CD46: variants seen among roughly 807,000 people sequenced by gnomAD.
CD46 encodes the protein membrane cofactor protein.
A neutral mutation model predicts 53.3 loss-of-function variants in CD46; 30 were observed. The observed-to-expected ratio is 0.56, with a 90% CI of 0.42 to 0.76. The LOEUF (loss-of-function observed/expected upper bound fraction) is 0.76. CD46 is among the 30% of genes least tolerant of loss of function. CD46 has a pLI of 0.00. For synonymous variants in CD46, 142 were observed against 152.0 expected, an observed-to-expected ratio of 0.93 and a Z score of 0.48; for missense variants, 409 against 463.0, an observed-to-expected ratio of 0.88 and a Z score of 1.07.
intron 11 of CD46, among the ~76,000 whole-genome samples, chr1:207,789,143 G>GT (rs1003494531): frequency 6.6e-6 from 1 of 151,942 alleles, no homozygotes; most frequent in South Asian, 2.1e-4. Context: ...TTAAGTAATG[G>GT]TTTTTTTTAA....
chr1:207,752,302 C>T lies in CD46; in HGVS notation c.90C>T (p.Ser30=), dbSNP rs1397385235. 1 of 1,613,994 alleles carries T rather than the reference C, an allele frequency of 6.2e-7. No homozygotes were observed. The highest frequency in any genetic ancestry group is 1.3e-5 in the African/African-American group (1 of 75,068). The change falls in exon 1 of 13, where the codon TCC becomes TCT. Residue 30 remains serine (S), a synonymous_variant. Transcript: ENST00000367042. The surrounding 1 kb of genome is among the most constrained non-coding windows in gnomAD (Gnocchi z 4.1). ...LLAAMVLLLY[S]FSDACEEPPT... ...CGGCCATGGTGTTGCTGCTGTACTCCTTCTCCGGTAGGACCCCGGGGCGGG... is the reference window on the plus strand; with the variant it reads ...CGGCCATGGTGTTGCTGCTGTACTCTTTCTCCGGTAGGACCCCGGGGCGGG...
chr1:207,756,010 C>T (rs184045307), intron 1 of CD46, among the ~76,000 whole-genome samples: 2 of 152,170 alleles, frequency 1.3e-5, no homozygotes, highest in African/African-American at 2.4e-5. Context: ...TGATAGTTAC[C>T]TGAGAGATCC....
At chr1:207,756,561 C>T (rs1558043484) in intron 1 of CD46, among the ~76,000 whole-genome samples, 1 of 152,110 alleles carries the variant, frequency 6.6e-6, no homozygotes, top group Non-Finnish European at 1.5e-5. Context: ...GGTTCTTGAC[C>T]CCCAGGAACT....
intron 3 of CD46, among the ~76,000 whole-genome samples, chr1:207,758,500 A>T (rs969450507): frequency 4.9e-4 from 74 of 152,220 alleles, no homozygotes; most frequent in African/African-American, 1.7e-3. Flanking sequence ...GCCTACAAGA[A>T]TGAGAACTCA....
rs1293685145 is a variant in CD46 at position 207,785,614 on chromosome 1, T to TA, written c.1019-4dup. 25 of 1,600,100 alleles carry TA rather than the reference T, an allele frequency of 1.6e-5. No individual in the cohort carries two copies. The highest frequency in any genetic ancestry group is 2.1e-5 in the Non-Finnish European group (25 of 1,167,600). On this transcript the variant is annotated splice_polypyrimidine_tract_variant and splice_region_variant and intron_variant, in intron 10 of 12. Transcript: ENST00000367042. ...ATATGTCATTTGTTTCCTGGTTTCT[T>TA]ATAGTTGTTGGAGTTGCAGTAATTT...
chr1:207,788,464 A>G (rs1220702226), intron 11 of CD46, among the ~76,000 whole-genome samples: 1 of 151,974 alleles, frequency 6.6e-6, no homozygotes, highest in Non-Finnish European at 1.5e-5. Flanking sequence ...GCTTGCAGTG[A>G]GCGAGATTGC....
At chr1:207,787,048 C>A (rs937092036) in intron 11 of CD46, among the ~76,000 whole-genome samples, 1 of 152,104 alleles carries the variant, frequency 6.6e-6, no homozygotes, top group African/African-American at 2.4e-5. Flanking sequence ...CTCTCTCTAG[C>A]TAGCAGTTAA....
intron 7 of CD46, chr1:207,769,024 CCGAGGTGGGTGG>C (rs1657167295): frequency 6.6e-6 from 1 of 152,162 alleles, no homozygotes. Context: ...CTTTGGGAGG[CCGAGGTGGGTGG>C]ATCACGAGGT....
chr1:207,763,597 A>G (rs1453844169), intron 5 of CD46, among the ~76,000 whole-genome samples: 1 of 152,194 alleles, frequency 6.6e-6, no homozygotes, highest in Non-Finnish European at 1.5e-5. Context: ...TCTTAGAATT[A>G]AGTTTCATAT....
rs182152861 is a variant in CD46, at chr1:207,782,679, C to T, written c.944-613C>T. Among the ~76,000 whole-genome samples, 510 of 118,154 alleles carry T rather than the reference C, an allele frequency of 4.3e-3. 3 individuals are homozygous for T. The highest frequency in any genetic ancestry group is 0.042 in the East Asian group (158 of 3,742). The allele number at this position is 118,154 out of a possible 152,430, so 77.5% of individuals were successfully genotyped here. A position where few individuals can be genotyped will look rare whatever the true frequency, so the allele number is the denominator to read the frequency against. On this transcript the variant is annotated intron_variant, in intron 8 of 12. Coordinates refer to ENST00000367042, the MANE Select transcript of CD46 (RefSeq NM_172351.3). ...TTTTTTTTTTTTTGAGACAGAGTCT[C>T]GCTGTGTTGCCAGACTGGAGTGCAG... is the stretch of plus-strand genomic sequence containing the variant.
At chr1:207,757,302 A>G (rs1381269170) in intron 2 of CD46, 100 bp downstream of exon 2, 2 of 1,132,044 alleles carry the variant, frequency 1.8e-6, no homozygotes, top group Admixed American at 1.7e-5. Context: ...TTCTTCTTGT[A>G]AAATGAGGTT....
rs1190622672 is a variant in CD46, at chr1:207,761,394, G to A, written c.621G>A (p.Thr207=). The A allele has an allele frequency of 6.2e-7, 1 of 1,614,092 alleles. No homozygotes were observed. Among genetic ancestry groups the A allele is most frequent in the Non-Finnish European group, 8.5e-7 (1 of 1,179,970 alleles). ...CATTTTCACTTATTGGAGAGAGCAC[G>A]ATTTATTGTGGTGACAATTCAGTGT... ...PDPFSLIGES[T]IYCGDNSVWS... is the part of the protein sequence containing the mutation. The change falls in exon 5 of 13, where the codon ACG becomes ACA. Residue 207 remains threonine (T), a synonymous_variant. Transcript: ENST00000367042.
intron 3 of CD46, 74 bp from the exon 4 acceptor site, chr1:207,759,565 A>G (rs779442945): frequency 4.9e-5 from 40 of 822,620 alleles, no homozygotes; most frequent in Non-Finnish European, 7.4e-5. Flanking sequence ...GAAACCATAT[A>G]AAAAATTCCT....
At chr1:207,755,411 G>C (rs1262074976) in intron 1 of CD46, among the ~76,000 whole-genome samples, 1 of 152,134 alleles carries the variant, frequency 6.6e-6, no homozygotes, top group East Asian at 1.9e-4. Flanking sequence ...TCAATTTTTG[G>C]AGCAACTCAC....
Position 207,752,212 on chromosome 1 carries a change from C to G in CD46, c.-1C>G. On this transcript the variant is annotated 5_prime_UTR_variant, in exon 1 of 13. Coordinates refer to ENST00000367042, the MANE Select transcript of CD46 (RefSeq NM_172351.3). The surrounding 1 kb of genome is among the most constrained non-coding windows in gnomAD (Gnocchi z 4.1). ...AAATAACAGCGTCTTCCGCGCCGCG[C>G]ATGGAGCCTCCCGGCCGCCGCGAGT... is the stretch of plus-strand genomic sequence containing the variant. 1 of 1,613,672 alleles carries G rather than the reference C, an allele frequency of 6.2e-7. No homozygotes were observed.
chr1:207,779,913 C>CTT (rs66758503), intron 8 of CD46, among the ~76,000 whole-genome samples: 1,193 of 62,392 alleles, frequency 0.019, 174 homozygotes, highest in Admixed American at 0.14. Flanking sequence ...AAAAGCAAGT[C>CTT]TTTTTTTTTT....
At chr1:207,793,084 A>C (rs1659956098) in intron 12 of CD46, among the ~76,000 whole-genome samples, 1 of 152,230 alleles carries the variant, frequency 6.6e-6, no homozygotes, top group African/African-American at 2.4e-5. Context: ...TTAGTGGAAT[A>C]CATGATTTTC....
intron 1 of CD46, among the ~76,000 whole-genome samples, chr1:207,755,339 A>G (rs1440646564): frequency 6.6e-6 from 1 of 152,260 alleles, no homozygotes; most frequent in Non-Finnish European, 1.5e-5. Flanking sequence ...TGAAACCTAG[A>G]GAAAGTAAAA....
chr1:207,762,711 C>T (rs954989444), intron 5 of CD46: 5 of 153,332 alleles, frequency 3.3e-5, no homozygotes, highest in Middle Eastern at 1.9e-3. Flanking sequence ...GGGTCCTCAT[C>T]GCCAACACGC....
Sources: allele counts gnomAD v4.1 joint callset (sites outside exome capture counted in the v4.1 genomes callset), GRCh38; gene constraint gnomAD v4.1.1; non-coding constraint Gnocchi (gnomAD v3.1); transcripts MANE v1.5; gene names NCBI Gene and HGNC (gene_info 2026-07-23, HGNC 2026-07-21).